KLHL4: variants seen among roughly 807,000 people sequenced by gnomAD.
KLHL4 encodes the protein kelch-like protein 4.
Under a neutral mutation model 45.8 loss-of-function variants are expected in KLHL4, and 17 were observed. The observed-to-expected ratio is 0.37, with a 90% CI of 0.25 to 0.56. The LOEUF (loss-of-function observed/expected upper bound fraction) is 0.56. KLHL4 is among the 20% of genes least tolerant of loss of function. KLHL4 has a pLI of 0.79. For synonymous variants in KLHL4, 224 were observed against 189.9 expected (o/e 1.18, Z -1.47); for missense variants, 544 against 544.9 (o/e 1.00, Z 0.02).
At chrX:87,634,754 C>T (rs937510784) in intron 8 of KLHL4, among the ~76,000 whole-genome samples, 1 of 111,745 alleles carries the variant, frequency 8.9e-6, no homozygotes, top group Admixed American at 9.5e-5. Context: ...GCTTAAGCTA[C>T]TCCTAAATCT....
chrX:87,554,946 A>G (rs1349189305), intron 1 of KLHL4, among the ~76,000 whole-genome samples: 1 of 106,333 alleles, frequency 9.4e-6, no homozygotes, highest in Non-Finnish European at 1.9e-5. Context: ...GAATTTTGTC[A>G]AAGGCCTTTT....
intron 1 of KLHL4, among the ~76,000 whole-genome samples, chrX:87,592,791 G>T (rs1051404559): frequency 5.4e-5 from 6 of 111,918 alleles, no homozygotes; most frequent in Non-Finnish European, 1.1e-4. Flanking sequence ...AATTGTTTGA[G>T]CATCTTACAT....
chrX:87,625,526 C>T (rs1922896684), intron 5 of KLHL4, 84 bp from the exon 6 acceptor site: 1 of 865,961 alleles, frequency 1.2e-6, no homozygotes, highest in South Asian at 2.8e-5. Context: ...CCACTGCGCC[C>T]AGCCTCTAAA....
rs764595997 is a variant in KLHL4, at chrX:87,632,249, G to C, written c.1364G>C (p.Ser455Thr). 3 of 1,204,023 alleles carry C rather than the reference G, an allele frequency of 2.5e-6. No homozygotes were observed. The African/African-American group carries it at 5.3e-5, about 21-fold the overall frequency. ...TIEKYDLRTN[S>T]WLHIGTMNGR... ...GAAAAATATGACCTCAGGACCAACA[G>C]TTGGCTACATATTGGCACCATGAAT... Residue 455 changes from serine to threonine, a missense_variant, in exon 7 of 11, where the codon AGT (serine) becomes ACT (threonine). By Grantham distance (58) the Ser-to-Thr change is moderately conservative. Transcript: ENST00000373119.
intron 1 of KLHL4, among the ~76,000 whole-genome samples, chrX:87,596,343 G>T (rs954700905): frequency 8.9e-6 from 1 of 112,009 alleles, no homozygotes; most frequent in Non-Finnish European, 1.9e-5. Context: ...AAGTATGCTG[G>T]TTATTCGTAA....
chrX:87,598,981 A>G (rs952162818), intron 1 of KLHL4, among the ~76,000 whole-genome samples: 1 of 111,255 alleles, frequency 9.0e-6, no homozygotes, highest in African/African-American at 3.3e-5. Flanking sequence ...TGAGATCCAG[A>G]AATAATAACC....
intron 1 of KLHL4, among the ~76,000 whole-genome samples, chrX:87,537,065 A>G (rs1313664018): frequency 3.6e-5 from 4 of 111,834 alleles, no homozygotes; most frequent in Non-Finnish European, 7.5e-5. Flanking sequence ...ATATTTGTCT[A>G]TAATTGTTTA....
chrX:87,534,193 C>T (rs1032072144), intron 1 of KLHL4, among the ~76,000 whole-genome samples: 2 of 111,501 alleles, frequency 1.8e-5, no homozygotes, highest in African/African-American at 6.5e-5. Flanking sequence ...GGACAATTCT[C>T]TTTCCTGACA....
chrX:87,544,873 A>G (rs1253859970), intron 1 of KLHL4, among the ~76,000 whole-genome samples: 2 of 111,622 alleles, frequency 1.8e-5, no homozygotes, highest in African/African-American at 6.5e-5. Context: ...AACAATAAAT[A>G]CCTAACCCTT....
intron 3 of KLHL4, among the ~76,000 whole-genome samples, chrX:87,616,193 T>G (rs1922550744): frequency 9.0e-6 from 1 of 111,046 alleles, no homozygotes; most frequent in African/African-American, 3.3e-5. Context: ...GGGATATGTA[T>G]GGAATTTGAG....
chrX:87,585,131 T>A (rs1921423578), intron 1 of KLHL4, among the ~76,000 whole-genome samples: 2 of 111,333 alleles, frequency 1.8e-5, no homozygotes, highest in African/African-American at 6.5e-5. Flanking sequence ...GAATAATATA[T>A]CTGGTGAAAA....
At chrX:87,558,078 T>G (rs781774433) in intron 1 of KLHL4, among the ~76,000 whole-genome samples, 1 of 112,018 alleles carries the variant, frequency 8.9e-6, no homozygotes, top group South Asian at 3.7e-4. Flanking sequence ...TGTTTCTCAG[T>G]TTTCTACATA....
At chrX:87,579,557 G>C (rs1401761025) in intron 1 of KLHL4, among the ~76,000 whole-genome samples, 2 of 111,129 alleles carry the variant, frequency 1.8e-5, no homozygotes, top group Non-Finnish European at 3.8e-5. Context: ...ATTATAAAAA[G>C]TCTAGGAGAG....
At chrX:87,596,902 T>G (rs1299620095) in intron 1 of KLHL4, among the ~76,000 whole-genome samples, 2 of 112,366 alleles carry the variant, frequency 1.8e-5, no homozygotes, top group East Asian at 5.6e-4. Flanking sequence ...ATATGATTTA[T>G]CATTATCAGT....
In KLHL4 at chrX:87,666,958, T is replaced by C; in HGVS notation, c.*424T>C. 4.3e-6 allele frequency: 3 copies of C among 694,044 alleles called. No individual in the cohort carries two copies. The highest frequency in any genetic ancestry group is 3.4e-6 in the Non-Finnish European group (2 of 584,332). 57.2% of individuals were successfully genotyped at this position (694,044 alleles called of 1,213,427 possible). ...TCTTATTATCTGGAACATAGAAATA[T>C]AAAAGGTAACATCTAAAGCTTAGAA... On this transcript the variant is annotated 3_prime_UTR_variant, in exon 11 of 11. Transcript: ENST00000373119.
At chrX:87,577,204 C>A (rs2147792961) in intron 1 of KLHL4, among the ~76,000 whole-genome samples, 1 of 111,495 alleles carries the variant, frequency 9.0e-6, no homozygotes, top group South Asian at 3.7e-4. Flanking sequence ...TATATTTAAC[C>A]CTTTTCCTTT....
intron 1 of KLHL4, among the ~76,000 whole-genome samples, chrX:87,553,262 C>T (rs1167751818): frequency 9.0e-6 from 1 of 110,592 alleles, no homozygotes; most frequent in Non-Finnish European, 1.9e-5. Flanking sequence ...TAAGTTTTAC[C>T]AAGTGCAAAT....
At chrX:87,583,356 C>T (rs1921350829) in intron 1 of KLHL4, among the ~76,000 whole-genome samples, 1 of 112,279 alleles carries the variant, frequency 8.9e-6, no homozygotes, top group African/African-American at 3.2e-5. Context: ...TAGCATCACC[C>T]TCCCCTGGCC....
rs750290484 is a variant in KLHL4 at position 87,614,476 on chromosome X, T to C, written c.633T>C (p.Phe211=). The change falls in exon 3 of 11, where the codon TTT becomes TTC. Residue 211 remains phenylalanine, a synonymous_variant. Transcript: ENST00000373119. ...TGTCTGATTATTTTGCTGCAATGTTTACTAATGATGTGCTTGAAGCCAAAC... is the reference window on the plus strand; with the variant it reads ...TGTCTGATTATTTTGCTGCAATGTTCACTAATGATGTGCTTGAAGCCAAAC... ...SAVSDYFAAM[F]TNDVLEAKQE... 9 of 1,206,871 alleles carry C rather than the reference T, an allele frequency of 7.5e-6. No individual in the cohort carries two copies. Among genetic ancestry groups the C allele is most frequent in the Non-Finnish European group, 9.0e-6 (8 of 892,861 alleles).
Sources: gnomAD v4.1 joint callset for allele counts (sites outside exome capture counted in the v4.1 genomes callset) on GRCh38, gnomAD v4.1.1 for gene constraint, MANE v1.5 for transcripts, NCBI Gene and HGNC (gene_info 2026-07-23, HGNC 2026-07-21) for gene names.